CTDP1: variants seen among roughly 807,000 people sequenced by gnomAD.
CTDP1 encodes RNA polymerase II subunit A C-terminal domain phosphatase.
A neutral mutation model predicts 91.8 loss-of-function variants in CTDP1; 47 were observed. The ratio of observed to expected loss-of-function variants is 0.51; its 90% confidence interval spans 0.41 to 0.65. The LOEUF is 0.65. CTDP1 is among the 30% of genes least tolerant of loss of function. The pLI, the probability that CTDP1 is intolerant of heterozygous loss-of-function variation, is 0.00. For missense variants in CTDP1, 1,272 were observed against 1,373.7 expected (o/e 0.93, Z 1.17); for synonymous variants, 656 against 598.5 (o/e 1.10, Z -1.40).
At chr18:79,687,093 T>C (rs1438858916) in intron 1 of CTDP1, among the ~76,000 whole-genome samples, 6 of 60,694 alleles carry the variant, frequency 9.9e-5, no homozygotes, top group Admixed American at 1.6e-4. Flanking sequence ...GTTGGCTTCG[T>C]CAGTTCACTG....
intron 1 of CTDP1, among the ~76,000 whole-genome samples, chr18:79,686,575 GA>G (rs2085498590): frequency 6.6e-6 from 1 of 152,206 alleles, no homozygotes; most frequent in South Asian, 2.1e-4. Flanking sequence ...ATGTTAAGAG[GA>G]ACTTGAGCTA....
At chr18:79,687,652 G>A (rs61118874) in intron 1 of CTDP1, among the ~76,000 whole-genome samples, 6 of 121,426 alleles carry the variant, frequency 4.9e-5, no homozygotes, top group Non-Finnish European at 6.9e-5. Flanking sequence ...AGTTGGCTTC[G>A]CCAGTTCACT....
chr18:79,735,415 C>CGG (rs1238927661), intron 11 of CTDP1, among the ~76,000 whole-genome samples: 2 of 152,240 alleles, frequency 1.3e-5, no homozygotes, highest in African/African-American at 2.4e-5. Context: ...GAGCTGTGAG[C>CGG]GGGGCCGTGC....
At chr18:79,705,040 G>A (rs2085939463) in intron 5 of CTDP1, 123 bp downstream of exon 5, 1 of 1,458,144 alleles carries the variant, frequency 6.9e-7, no homozygotes, top group South Asian at 1.2e-5. Context: ...TAGTCTTAGG[G>A]TTGGCCGTTG....
At chr18:79,730,972 C>T (rs1051234846) in intron 11 of CTDP1, among the ~76,000 whole-genome samples, 5 of 152,220 alleles carry the variant, frequency 3.3e-5, no homozygotes, top group African/African-American at 7.2e-5. Flanking sequence ...CTGACAGCCT[C>T]GTCTCACATG....
intron 1 of CTDP1, among the ~76,000 whole-genome samples, chr18:79,684,453 G>A (rs2085442288): frequency 1.3e-5 from 2 of 152,196 alleles, no homozygotes; most frequent in South Asian, 4.1e-4. Flanking sequence ...TCTATAAATA[G>A]CAGGTGTGAG....
At chr18:79,749,822 G>A (rs2086959713) in intron 12 of CTDP1, 1 of 152,258 alleles carries the variant, frequency 6.6e-6, no homozygotes, top group African/African-American at 2.4e-5. Context: ...AGCCTAATGG[G>A]AGGATGGGAG....
intron 6 of CTDP1, among the ~76,000 whole-genome samples, chr18:79,711,729 T>C (rs1460071097): frequency 6.6e-6 from 1 of 152,254 alleles, no homozygotes; most frequent in African/African-American, 2.4e-5. Flanking sequence ...CATTTCTTCC[T>C]TTCCATCAGC....
Position 79,680,079 on chromosome 18 carries a change from C to T in CTDP1, c.132C>T (p.Arg44=), listed in dbSNP as rs1233282312. 12 of 1,285,280 alleles carry T rather than the reference C, an allele frequency of 9.3e-6. No homozygotes were observed. Among genetic ancestry groups the T allele is most frequent in the African/African-American group, 4.7e-5 (3 of 64,366 alleles). 79.6% of individuals were successfully genotyped at this position (1,285,280 alleles called of 1,614,324 possible). The change falls in exon 1 of 13, where the codon CGC becomes CGT. Residue 44 remains arginine (R), a synonymous_variant. Coordinates refer to ENST00000613122, the MANE Select transcript of CTDP1 (RefSeq NM_004715.5). Reference sequence around the variant, plus strand: ...GGGTGGCGGCGGGCGCGGCCGTGCGCATCGGCTCGGTGCTGGCCGTGTTCG... The same window carrying T: ...GGGTGGCGGCGGGCGCGGCCGTGCGTATCGGCTCGGTGCTGGCCGTGTTCG... ...EWRVAAGAAV[R]IGSVLAVFEA...
At chr18:79,729,564 G>A (rs1229810105) in intron 11 of CTDP1, among the ~76,000 whole-genome samples, 2 of 152,238 alleles carry the variant, frequency 1.3e-5, no homozygotes, top group East Asian at 1.9e-4. Context: ...ACAGCATCTC[G>A]TTATCACAGC....
chr18:79,721,463 A>G (rs747973106), intron 10 of CTDP1, among the ~76,000 whole-genome samples: 3 of 152,218 alleles, frequency 2.0e-5, no homozygotes, highest in Non-Finnish European at 2.9e-5. Context: ...CAGTAGAAGC[A>G]CGATGGCAGG....
At chr18:79,706,165 A>G (rs1381482855) in intron 5 of CTDP1, among the ~76,000 whole-genome samples, 12 of 152,226 alleles carry the variant, frequency 7.9e-5, no homozygotes. Context: ...CGGGAAATGC[A>G]GCAAGCCGGC....
At chr18:79,746,583 T>G (rs1436862685) in intron 12 of CTDP1, among the ~76,000 whole-genome samples, 2 of 152,262 alleles carry the variant, frequency 1.3e-5, no homozygotes, top group East Asian at 3.9e-4. Context: ...CTGCTGTCAC[T>G]GTGAACAGGT....
intron 12 of CTDP1, among the ~76,000 whole-genome samples, chr18:79,743,195 A>G (rs1568217884): frequency 6.6e-6 from 1 of 152,136 alleles, no homozygotes; most frequent in Non-Finnish European, 1.5e-5. Flanking sequence ...ACAACGATGC[A>G]TTGTTGGGTT....
intron 12 of CTDP1, 64 bp downstream of exon 12, chr18:79,736,585 G>T: frequency 7.0e-7 from 1 of 1,426,494 alleles, no homozygotes; most frequent in Non-Finnish European, 9.3e-7. Context: ...TCTGCAGTTG[G>T]TGGGCCGCCT....
At position 79,754,156 on chromosome 18, in the gene CTDP1, A is replaced by G. The variant is rs2087058765; in HGVS notation, c.*366A>G. On this transcript the variant is annotated 3_prime_UTR_variant, in exon 13 of 13. Transcript: ENST00000613122. The stretch of plus-strand genomic sequence containing the variant: ...GGGACGGCTTTGGGGGTCCCACGAG[A>G]CATGGACTAGGAGTTTAAGCAGGAC... The G allele has an allele frequency of 2.8e-6, 1 of 355,486 alleles. No homozygotes were observed. Among genetic ancestry groups the G allele is most frequent in the Admixed American group, 4.0e-5 (1 of 24,986 alleles). 22.0% of individuals were successfully genotyped at this position (355,486 alleles called of 1,614,324 possible). A position where few individuals can be genotyped will look rare whatever the true frequency, so the allele number is the denominator to read the frequency against.
rs183498170 is a variant in CTDP1, at chr18:79,684,381, G to C, written c.314+4120G>C. ...AGTGAGCCTTGTGTAGCTTAGTGTC[G>C]GTTACTGAGGCGGAGCACTGCGGAG... is the stretch of plus-strand genomic sequence containing the variant. On this transcript the variant is annotated intron_variant, in intron 1 of 12. Coordinates refer to ENST00000613122, the MANE Select transcript of CTDP1 (RefSeq NM_004715.5). 1.7e-4 allele frequency among the ~76,000 whole-genome samples: 26 copies of C among 152,342 alleles called. No homozygotes were observed. In the East Asian group the frequency reaches 4.6e-3, roughly 27 times the overall value.
At position 79,704,764 on chromosome 18, in the gene CTDP1, T is replaced by C; in HGVS notation, c.622-3T>C. 1 of 1,613,588 alleles carries C rather than the reference T, an allele frequency of 6.2e-7. No homozygotes were observed. ...TCCCGACTGTTGCTACTATTCTTTT[T>C]AGGGCATCTTTCACTTCCAGCTGGG... On this transcript the variant is annotated splice_region_variant and splice_polypyrimidine_tract_variant and intron_variant, in intron 4 of 12. Transcript: ENST00000613122.
intron 1 of CTDP1, among the ~76,000 whole-genome samples, chr18:79,692,634 G>A (rs576667169): frequency 6.6e-5 from 10 of 152,178 alleles, no homozygotes; most frequent in Non-Finnish European, 1.2e-4. Context: ...GGTAGAGCAA[G>A]GAGGAGCCCG....
Sources: gnomAD v4.1 joint callset for allele counts (sites outside exome capture counted in the v4.1 genomes callset) on GRCh38, gnomAD v4.1.1 for gene constraint, MANE v1.5 for transcripts, NCBI Gene and HGNC (gene_info 2026-07-23, HGNC 2026-07-21) for gene names.